NCAM2: variants seen among roughly 807,000 people sequenced by gnomAD.
NCAM2 encodes the protein N-CAM-2.
In NCAM2, 30 loss-of-function variants were observed where a neutral mutation model predicts 98.1. The ratio of observed to expected loss-of-function variants is 0.31; its 90% CI spans 0.23 to 0.41. The LOEUF (loss-of-function observed/expected upper bound fraction) is 0.41, where lower values mean the gene tolerates loss of function less well. NCAM2 is among the 10% of genes least tolerant of loss of function. The pLI is 1.00. For missense variants in NCAM2, 867 were observed against 1,005.8 expected (o/e 0.86, Z 1.87); for synonymous variants, 368 against 342.4 (o/e 1.07, Z -0.83).
intron 1 of NCAM2, among the ~76,000 whole-genome samples, chr21:21,174,100 A>G (rs1265166314): frequency 1.3e-5 from 2 of 152,072 alleles, no homozygotes; most frequent in African/African-American, 4.8e-5. Context: ...TTTGTATTTT[A>G]GTAGATACGA....
chr21:21,123,847 G>GTTTTTTTTTTTT (rs1569047303), intron 1 of NCAM2, among the ~76,000 whole-genome samples: 6 of 14,802 alleles, frequency 4.1e-4, no homozygotes, highest in Admixed American at 1.1e-3. Flanking sequence ...ATTCTTGATT[G>GTTTTTTTTTTTT]CTTTTTTTTT....
intron 1 of NCAM2, among the ~76,000 whole-genome samples, chr21:21,175,438 C>T (rs2068251848): frequency 6.6e-6 from 1 of 152,124 alleles, no homozygotes; most frequent in Admixed American, 6.5e-5. Flanking sequence ...GAGGCTGAGG[C>T]AGGACAATCA....
intron 2 of NCAM2, 21 bp downstream of exon 2, chr21:21,280,673 C>T: frequency 7.0e-7 from 1 of 1,420,544 alleles, no homozygotes; most frequent in Non-Finnish European, 9.5e-7. Context: ...CTGTAAATAC[C>T]TTCAGATAAC....
At chr21:21,206,983 G>T (rs549682838) in intron 1 of NCAM2, among the ~76,000 whole-genome samples, 181 of 152,064 alleles carry the variant, frequency 1.2e-3, no homozygotes, top group African/African-American at 4.1e-3. Context: ...GACTATACAA[G>T]GTATTTATCA....
At chr21:21,442,775 G>A (rs1198665970) in intron 12 of NCAM2, among the ~76,000 whole-genome samples, 1 of 152,114 alleles carries the variant, frequency 6.6e-6, no homozygotes, top group Non-Finnish European at 1.5e-5. Flanking sequence ...TACCTAAAGT[G>A]TGACTTTTCT....
chr21:21,371,840 T>G (rs1351195510), intron 8 of NCAM2, among the ~76,000 whole-genome samples: 1 of 151,064 alleles, frequency 6.6e-6, no homozygotes, highest in Admixed American at 6.6e-5. Flanking sequence ...AGTGCCTGGT[T>G]GCTTATTGTA....
chr21:21,394,469 C>CTTTTTTTTTTTTTTTTTTTTTTTTT lies in NCAM2; in HGVS notation c.1196-15792_1196-15768dup, dbSNP rs532068473. ...GACCTTAGTTAATTTAAGGGGCCAGCTTTTTTTTTTTTTTTTTTTTTTTTT... is the reference window on the plus strand; with the variant it reads ...GACCTTAGTTAATTTAAGGGGCCAGCTTTTTTTTTTTTTTTTTTTTTTTTTTTTTTTTTTTTTTTTTTTTTTTTTT... On this transcript the variant is annotated intron_variant, in intron 9 of 17. Coordinates refer to ENST00000400546, the MANE Select transcript of NCAM2 (RefSeq NM_004540.5). Among the ~76,000 whole-genome samples the CTTTTTTTTTTTTTTTTTTTTTTTTT allele has an allele frequency of 2.1e-4, 12 of 57,672 alleles. 2 individuals carry two copies. Among genetic ancestry groups the CTTTTTTTTTTTTTTTTTTTTTTTTT allele is most frequent in the Non-Finnish European group, 2.7e-4 (9 of 33,702 alleles). 37.8% of individuals were successfully genotyped at this position (57,672 alleles called of 152,430 possible).
chr21:21,274,250 G>A (rs1437297615), intron 1 of NCAM2, among the ~76,000 whole-genome samples: 2 of 152,042 alleles, frequency 1.3e-5, no homozygotes, highest in African/African-American at 4.8e-5. Context: ...TCCTAATTTA[G>A]GATGAGAAGA....
chr21:21,142,866 C>T (rs2067198930), intron 1 of NCAM2, among the ~76,000 whole-genome samples: 1 of 152,066 alleles, frequency 6.6e-6, no homozygotes, highest in Non-Finnish European at 1.5e-5. Flanking sequence ...CATTCATTTT[C>T]AGAGCTATGA....
At chr21:21,448,094 C>T (rs879345504) in intron 12 of NCAM2, among the ~76,000 whole-genome samples, 3 of 152,028 alleles carry the variant, frequency 2.0e-5, no homozygotes, top group East Asian at 3.9e-4. Flanking sequence ...CACATGCACA[C>T]GTATGTTTAT....
intron 1 of NCAM2, among the ~76,000 whole-genome samples, chr21:21,209,664 C>G (rs950740082): frequency 6.6e-6 from 1 of 151,236 alleles, no homozygotes; most frequent in East Asian, 1.9e-4. Context: ...AAATGCTATT[C>G]TTTTATAGTC....
intron 8 of NCAM2, among the ~76,000 whole-genome samples, chr21:21,343,131 T>C (rs2075090911): frequency 1.3e-5 from 2 of 152,204 alleles, no homozygotes; most frequent in South Asian, 4.1e-4. Context: ...TTTAAACTAA[T>C]TAAAATATAG....
chr21:21,040,491 G>T (rs1051848890), intron 1 of NCAM2, among the ~76,000 whole-genome samples: 17 of 152,050 alleles, frequency 1.1e-4, no homozygotes, highest in East Asian at 3.9e-4. Context: ...CTATAGAAAT[G>T]ATGCAATATT....
In NCAM2 at chr21:21,410,899, C is replaced by A. The variant is rs998986646; in HGVS notation, c.1383+438C>A. On this transcript the variant is annotated intron_variant, in intron 10 of 17. Transcript: ENST00000400546. ...GTGTGTGCCTATAGCCCCAGCTACT[C>A]AGGAGGCTGAGGCAGGAGAATCACT... Among the ~76,000 whole-genome samples the A allele has an allele frequency of 2.5e-4, 37 of 148,072 alleles. 1 individual carries two copies. Among genetic ancestry groups the A allele is most frequent in the African/African-American group, 9.0e-4 (36 of 40,042 alleles).
At chr21:21,331,093 C>A (rs1307701449) in intron 6 of NCAM2, among the ~76,000 whole-genome samples, 1 of 151,998 alleles carries the variant, frequency 6.6e-6, no homozygotes, top group African/African-American at 2.4e-5. Context: ...CATCTACTCA[C>A]CTACCCTCTG....
chr21:21,272,873 T>G lies in NCAM2; in HGVS notation c.56-7705T>G, dbSNP rs147251407. ...GACATGTAAATTTTTCAAAGTAATA[T>G]GGTATTTAATGTATTAGCAAATATG... On this transcript the variant is annotated intron_variant, in intron 1 of 17. Coordinates refer to ENST00000400546, the MANE Select transcript of NCAM2 (RefSeq NM_004540.5). Among the ~76,000 whole-genome samples, 431 of 148,540 alleles carry G rather than the reference T, an allele frequency of 2.9e-3. 1 individual carries two copies. The highest frequency in any genetic ancestry group is 0.01 in the African/African-American group (414 of 40,812).
intron 1 of NCAM2, among the ~76,000 whole-genome samples, chr21:21,270,272 T>G (rs1342685570): frequency 6.6e-6 from 1 of 152,148 alleles, no homozygotes; most frequent in Non-Finnish European, 1.5e-5. Context: ...AATATCACTC[T>G]CAAAGTAAGT....
At chr21:21,252,424 C>G (rs1287812709) in intron 1 of NCAM2, among the ~76,000 whole-genome samples, 1 of 150,244 alleles carries the variant, frequency 6.7e-6, no homozygotes, top group Non-Finnish European at 1.5e-5. Context: ...AAAATATAAT[C>G]AATTATTATA....
intron 8 of NCAM2, among the ~76,000 whole-genome samples, chr21:21,353,505 A>G (rs1278983736): frequency 2.6e-5 from 4 of 152,188 alleles, no homozygotes; most frequent in Non-Finnish European, 5.9e-5. Flanking sequence ...TTCAATCGCC[A>G]TCCATACAGG....
Sources: allele counts gnomAD v4.1 joint callset (sites outside exome capture counted in the v4.1 genomes callset), GRCh38; gene constraint gnomAD v4.1.1; transcripts MANE v1.5; gene names NCBI Gene and HGNC (gene_info 2026-07-23, HGNC 2026-07-21).